Variants in CES5A observed in about 807,000 individuals in gnomAD.
CES5A encodes the protein carboxylesterase 5.
A neutral mutation model predicts 62.9 loss-of-function variants in CES5A; 67 were observed. The ratio of observed to expected loss-of-function variants is 1.07; its 90% CI spans 0.88 to 1.31. The LOEUF is 1.31. Among genes scored for constraint, CES5A ranks in the 50% most tolerant of loss-of-function variants. The pLI, the probability that CES5A is intolerant of heterozygous loss-of-function variation, is 0.00. For missense variants in CES5A, 748 were observed against 708.5 expected, an observed-to-expected ratio of 1.06 and a Z score of -0.63; for synonymous variants, 296 against 280.8, an observed-to-expected ratio of 1.05 and a Z score of -0.54.
chr16:55,943,983 G>A lies in CES5A; in HGVS notation c.160+5802C>T, dbSNP rs1597160993. On this transcript the variant is annotated intron_variant, in intron 2 of 13. Transcript: ENST00000521992. ...TCCCATATGAGCATTATCAGCCCAGGTATCCCACCTGAGGATTCTCTTTCC... is the reference window on the plus strand; with the variant it reads ...TCCCATATGAGCATTATCAGCCCAGATATCCCACCTGAGGATTCTCTTTCC... The A allele has an allele frequency of 4.3e-6, 3 of 701,150 alleles. No homozygotes were observed. The African/African-American group carries it at 5.2e-5, about 12-fold the overall frequency. The allele number at this position is 701,150 out of a possible 1,614,324, so 43.4% of individuals were successfully genotyped here.
intron 1 of CES5A, among the ~76,000 whole-genome samples, chr16:55,886,789 C>T (rs1415234577): frequency 6.6e-6 from 1 of 152,144 alleles, no homozygotes; most frequent in Non-Finnish European, 1.5e-5. Context: ...CTTCCCTGCT[C>T]ACAGCATCCT....
intron 2 of CES5A, among the ~76,000 whole-genome samples, chr16:55,930,532 G>C (rs1222694867): frequency 6.6e-6 from 1 of 152,180 alleles, no homozygotes; most frequent in African/African-American, 2.4e-5. Context: ...GCCATGTGAT[G>C]CCTTGTGCCA....
chr16:55,884,844 G>A (rs2033798394), intron 1 of CES5A, among the ~76,000 whole-genome samples: 1 of 152,052 alleles, frequency 6.6e-6, no homozygotes, highest in Non-Finnish European at 1.5e-5. Flanking sequence ...CGCCCACCTA[G>A]GCCTTCCAAA....
intron 1 of CES5A, among the ~76,000 whole-genome samples, chr16:55,885,673 T>C (rs1202284814): frequency 1.3e-5 from 2 of 152,128 alleles, no homozygotes; most frequent in Admixed American, 1.3e-4. Context: ...CTACACTCGT[T>C]TGTTAGCTAG....
chr16:55,881,379 C>T (rs1369607558), intron 1 of CES5A, among the ~76,000 whole-genome samples: 3 of 152,274 alleles, frequency 2.0e-5, no homozygotes, highest in South Asian at 2.1e-4. Flanking sequence ...CAGAGAAAAA[C>T]ATGCATGGAG....
intron 1 of CES5A, among the ~76,000 whole-genome samples, chr16:55,920,227 C>T (rs1447393560): frequency 6.6e-6 from 1 of 152,102 alleles, no homozygotes; most frequent in African/African-American, 2.4e-5. Context: ...ACCAAGTATG[C>T]AGAAAATTGT....
At position 55,866,097 on chromosome 16, in the gene CES5A, G is replaced by A; in HGVS notation, c.571C>T (p.Pro191Ser). The A allele has an allele frequency of 1.2e-6, 2 of 1,613,536 alleles. No homozygotes were observed. The highest frequency in any genetic ancestry group is 1.7e-6 in the Non-Finnish European group (2 of 1,179,696). The part of the protein sequence containing the change: ...GFFTTWDQHA[P>S]GNWAFKDQVA... Reference sequence around the variant, plus strand: ...TGGTCCTTGAAGGCCCAGTTCCCCGGAGCATGCTGATCCCATGTGCTGAGG... The same window carrying A: ...TGGTCCTTGAAGGCCCAGTTCCCCGAAGCATGCTGATCCCATGTGCTGAGG... Residue 191 changes from proline to serine, a missense_variant, in exon 5 of 13, where the codon CCG (proline) becomes TCG (serine). Physicochemically the swap from Pro to Ser is moderately conservative, Grantham distance 74. Transcript: ENST00000290567.
At chr16:55,856,892 C>T (rs1391042995) in intron 8 of CES5A, among the ~76,000 whole-genome samples, 6 of 152,224 alleles carry the variant, frequency 3.9e-5, no homozygotes, top group African/African-American at 4.8e-5. Context: ...ACACACAAAG[C>T]GGTATCAGCA....
chr16:55,909,976 A>G (rs566934075), intron 1 of CES5A, among the ~76,000 whole-genome samples: 1 of 152,282 alleles, frequency 6.6e-6, no homozygotes, highest in South Asian at 2.1e-4. Context: ...TGAGTTGGTC[A>G]TCCAGCCCCA....
chr16:55,923,725 C>A (rs2142461883), intron 1 of CES5A, among the ~76,000 whole-genome samples: 1 of 151,826 alleles, frequency 6.6e-6, no homozygotes, highest in African/African-American at 2.4e-5. Context: ...AAGAAAACTA[C>A]AGGCCATATC....
intron 2 of CES5A, among the ~76,000 whole-genome samples, chr16:55,945,085 T>G (rs1859890886): frequency 6.6e-6 from 1 of 152,246 alleles, no homozygotes; most frequent in African/African-American, 2.4e-5. Context: ...TATTGTTAAA[T>G]GAACTCATAC....
chr16:55,936,127 T>C (rs2034372093), intron 2 of CES5A, among the ~76,000 whole-genome samples: 1 of 152,136 alleles, frequency 6.6e-6, no homozygotes, highest in Non-Finnish European at 1.5e-5. Flanking sequence ...CCTCCTTGGA[T>C]CCTCTGTCAC....
chr16:55,943,367 C>T (rs1250599940), intron 2 of CES5A, among the ~76,000 whole-genome samples: 1 of 152,212 alleles, frequency 6.6e-6, no homozygotes, highest in Non-Finnish European at 1.5e-5. Context: ...ACAGAGCAAG[C>T]TTTTGCCAGA....
chr16:55,861,456 A>T lies in CES5A; in HGVS notation c.871T>A (p.Cys291Ser), dbSNP rs751246891. The T allele has an allele frequency of 1.9e-6, 3 of 1,613,978 alleles. No individual in the cohort carries two copies. Among genetic ancestry groups the T allele is most frequent in the Non-Finnish European group, 2.5e-6 (3 of 1,179,868 alleles). The change falls in exon 7 of 13, where the codon TGC (cysteine) becomes AGC (serine). Residue 291 changes from cysteine to serine, a missense_variant. By Grantham distance (112) the Cys-to-Ser change is moderately radical (BLOSUM62 -1). Coordinates refer to ENST00000290567, the MANE Select transcript of CES5A (RefSeq NM_001143685.2). Reference protein sequence around the residue: ...NASDSEALLRCLRTKPSKELL... With the variant: ...NASDSEALLRSLRTKPSKELL... Reference sequence around the variant, plus strand: ...TCCTTGGAGGGTTTTGTCCTCAGGCACCTCAGCAGGGCCTCAGAGTCTGAC... The same window carrying T: ...TCCTTGGAGGGTTTTGTCCTCAGGCTCCTCAGCAGGGCCTCAGAGTCTGAC...
intron 2 of CES5A, among the ~76,000 whole-genome samples, chr16:55,941,426 GC>G (rs1433257648): frequency 2.6e-5 from 4 of 151,992 alleles, no homozygotes; most frequent in African/African-American, 9.7e-5. Flanking sequence ...AGACCTGTAT[GC>G]TGAAAACTAT....
intron 1 of CES5A, among the ~76,000 whole-genome samples, chr16:55,885,369 A>C (rs970050091): frequency 1.3e-5 from 2 of 152,186 alleles, no homozygotes; most frequent in African/African-American, 2.4e-5. Context: ...TTGGTCTGAG[A>C]AGGATTAAAC....
chr16:55,940,558 T>A (rs1296370954), intron 2 of CES5A, among the ~76,000 whole-genome samples: 2 of 151,938 alleles, frequency 1.3e-5, no homozygotes, highest in Non-Finnish European at 2.9e-5. Context: ...AAAAAGTCAT[T>A]TCCAGGCCTG....
chr16:55,863,444 A>G lies in CES5A; in HGVS notation c.714T>C (p.Ser238=), dbSNP rs760248245. ...TGTGGAATAAGCCTTTGGCCATGGG[A>G]GACAGTATCTGGAGAGAGAACACAG... ...GAISVSSLIL[S]PMAKGLFHKA... The change falls in exon 6 of 13, where the codon TCT becomes TCC. Residue 238 remains serine, a synonymous_variant. Coordinates refer to ENST00000290567, the MANE Select transcript of CES5A (RefSeq NM_001143685.2). The G allele has an allele frequency of 6.4e-7, 1 of 1,573,866 alleles. No homozygotes were observed. Among genetic ancestry groups the G allele is most frequent in the Admixed American group, 1.7e-5 (1 of 59,982 alleles).
intron 1 of CES5A, among the ~76,000 whole-genome samples, chr16:55,921,531 A>G (rs1298519918): frequency 6.6e-6 from 1 of 151,886 alleles, no homozygotes; most frequent in Non-Finnish European, 1.5e-5. Context: ...TTCTTCAAAT[A>G]TGAAGGAGAG....
Sources: allele counts gnomAD v4.1 joint callset (sites outside exome capture counted in the v4.1 genomes callset), GRCh38; gene constraint gnomAD v4.1.1; transcripts MANE v1.5; gene names NCBI Gene and HGNC (gene_info 2026-07-23, HGNC 2026-07-21).